Variants in ZNF799 observed in about 807,000 individuals in gnomAD.
ZNF799 encodes the protein zinc finger protein 799, also known as zinc finger protein 14.
ZNF799 carries 28 observed loss-of-function variants against 41.0 expected under a neutral mutation model. The ratio of observed to expected loss-of-function variants is 0.68; its 90% CI spans 0.51 to 0.94. The LOEUF (loss-of-function observed/expected upper bound fraction) is 0.94, where lower values mean the gene tolerates loss of function less well. ZNF799 is among the 40% of genes least tolerant of loss of function. The pLI is 0.00. For synonymous variants in ZNF799, 213 were observed against 252.9 expected (o/e 0.84, Z 1.50); for missense variants, 716 against 764.3 (o/e 0.94, Z 0.74).
intron 1 of ZNF799, chr19:12,394,826 C>A (rs757427774): frequency 1.9e-4 from 185 of 985,176 alleles, no homozygotes; most frequent in Non-Finnish European, 2.2e-4. Flanking sequence ...ATGCTGAAAG[C>A]CTTCTCACCA....
chr19:12,401,541 CTTTTTTTTTTTTTT>C (rs769048606), upstream of ZNF799, among the ~76,000 whole-genome samples: 1 of 41,728 alleles, frequency 2.4e-5, no homozygotes, highest in African/African-American at 1.1e-4. Context: ...AACAATTATA[CTTTTTTTTTTTTTT>C]TTTTTTTTTT....
intron 1 of ZNF799, among the ~76,000 whole-genome samples, chr19:12,396,457 C>T (rs1397396391): frequency 1.3e-5 from 2 of 152,180 alleles, no homozygotes; most frequent in African/African-American, 2.4e-5. Flanking sequence ...TGAGACCAGC[C>T]TGGCCAATGT....
At chr19:12,401,944 G>C (rs1407641873), upstream of ZNF799, among the ~76,000 whole-genome samples, 1 of 152,080 alleles carries the variant, frequency 6.6e-6, no homozygotes, top group African/African-American at 2.4e-5. Flanking sequence ...TTTTACTATA[G>C]TCACTCTGTT....
At chr19:12,403,084 T>A (rs903463820), upstream of ZNF799, among the ~76,000 whole-genome samples, 4 of 152,220 alleles carry the variant, frequency 2.6e-5, no homozygotes, top group Admixed American at 1.3e-4. Flanking sequence ...GCTAGCAGAC[T>A]TTTTATTATG....
chr19:12,394,072 T>TA (rs75197208), intron 1 of ZNF799: 256 of 143,786 alleles, frequency 1.8e-3, no homozygotes, highest in Non-Finnish European at 2.0e-3. Flanking sequence ...AAAGTGGCAG[T>TA]AAAAAAAAAA....
intron 1 of ZNF799, among the ~76,000 whole-genome samples, chr19:12,396,236 C>T (rs1895576477): frequency 6.6e-6 from 1 of 152,220 alleles, no homozygotes; most frequent in Non-Finnish European, 1.5e-5. Flanking sequence ...ACACTGCACT[C>T]ACTGAATAAA....
upstream of ZNF799, among the ~76,000 whole-genome samples, chr19:12,405,043 T>A (rs955135905): frequency 6.6e-6 from 1 of 152,096 alleles, no homozygotes; most frequent in African/African-American, 2.4e-5. Flanking sequence ...AAGGAGAGAC[T>A]GGCCTAGCCT....
Position 12,390,539 on chromosome 19 carries a change from G to A in ZNF799, c.1859C>T (p.Pro620Leu), listed in dbSNP as rs768247224. 1.5e-5 allele frequency: 24 copies of A among 1,613,618 alleles called. No homozygotes were observed. The East Asian group carries it at 4.2e-4, about 28-fold the overall frequency. ...TTTCCCACATTCCTTACATCCATACGGGTTCTCTCCAGTGTGAGTTTTTTT... is the reference window on the plus strand; with the variant it reads ...TTTCCCACATTCCTTACATCCATACAGGTTCTCTCCAGTGTGAGTTTTTTT... ...HWKKTHTGENPYGCKECGKAF... is the reference protein window; with the variant it reads ...HWKKTHTGENLYGCKECGKAF... The change falls in exon 4 of 4, where the codon CCG (proline) becomes CTG (leucine). Residue 620 changes from proline to leucine, a missense_variant. This residue lies in a region of ZNF799 where 698 missense variants were observed against 713.6 expected (regional missense o/e 0.98). Transcript: ENST00000430385.
upstream of ZNF799, among the ~76,000 whole-genome samples, chr19:12,403,162 T>G (rs1310448487): frequency 6.6e-6 from 1 of 152,224 alleles, no homozygotes; most frequent in East Asian, 1.9e-4. Flanking sequence ...AATGTTGCTA[T>G]GTTCTATCTG....
rs1472312715 is a variant in ZNF799, at chr19:12,390,804, ACG to A, written c.1592_1593del (p.Pro531LeufsTer2). ...GCTTTCCCACATTCCTTACATTCATACGGCTTCTCTCCAGAGTGAATTCTTTC... is the reference window on the plus strand; with the variant it reads ...GCTTTCCCACATTCCTTACATTCATAGCTTCTCTCCAGAGTGAATTCTTTC... ...VHERIHSGEK[P>X]YECKECGKAF... On this transcript the variant is annotated frameshift_variant, in exon 4 of 4. Coordinates refer to ENST00000430385, the MANE Select transcript of ZNF799 (RefSeq NM_001080821.3). LOFTEE classifies it high-confidence loss of function. 2 of 1,614,184 alleles carry A rather than the reference ACG, an allele frequency of 1.2e-6. No homozygotes were observed. The highest frequency in any genetic ancestry group is 3.3e-5 in the Admixed American group (2 of 60,024).
chr19:12,392,791 A>T, intron 2 of ZNF799, 128 bp from the exon 3 acceptor site: 1 of 668,328 alleles, frequency 1.5e-6, no homozygotes, highest in Admixed American at 3.0e-5. Context: ...TGAAAAACAG[A>T]GGTTTGAACT....
chr19:12,392,172 C>G lies in ZNF799; in HGVS notation c.226G>C (p.Asp76His), dbSNP rs1056417493. 1 of 1,589,442 alleles carries G rather than the reference C, an allele frequency of 6.3e-7. No individual in the cohort carries two copies. Among genetic ancestry groups the G allele is most frequent in the Non-Finnish European group, 8.6e-7 (1 of 1,166,764 alleles). Residue 76 changes from aspartate to histidine, a missense_variant, in exon 4 of 4, where the codon GAT (aspartate) becomes CAT (histidine). Asp to His is a moderately conservative substitution (Grantham distance 81). This residue lies in a region of ZNF799 where 698 missense variants were observed against 713.6 expected (regional missense o/e 0.98). Coordinates refer to ENST00000430385, the MANE Select transcript of ZNF799 (RefSeq NM_001080821.3). ...RMLERFVESK[D>H]GTQCGETSSQ... The stretch of plus-strand genomic sequence containing the variant: ...GATGTTTCTCCACATTGAGTTCCAT[C>G]TTTACTTTCAACAAATCTCTCTAAC...
chr19:12,398,858 C>T (rs1969937478), intron 1 of ZNF799, among the ~76,000 whole-genome samples: 1 of 151,992 alleles, frequency 6.6e-6, no homozygotes, highest in Non-Finnish European at 1.5e-5. Flanking sequence ...ATCCAAAAAA[C>T]AAACACACCT....
chr19:12,399,841 G>A (rs2431848), intron 1 of ZNF799, among the ~76,000 whole-genome samples: 9 of 151,808 alleles, frequency 5.9e-5, no homozygotes, highest in African/African-American at 1.7e-4. Flanking sequence ...CTAGAGACAA[G>A]GTCTTGCCAT....
Position 12,392,595 on chromosome 19 carries a change from T to C in ZNF799, c.191+8A>G. On this transcript the variant is annotated splice_region_variant and intron_variant, in intron 3 of 3. Coordinates refer to ENST00000430385, the MANE Select transcript of ZNF799 (RefSeq NM_001080821.3). ...GGGACATATCTTTCTCTTGTGAGTA[T>C]AAATTACCTTAGATTTTTCCTGGGA... 3 of 1,584,554 alleles carry C rather than the reference T, an allele frequency of 1.9e-6. No individual in the cohort carries two copies. Among genetic ancestry groups the C allele is most frequent in the Non-Finnish European group, 2.6e-6 (3 of 1,155,504 alleles).
At position 12,399,575 on chromosome 19, in the gene ZNF799, C is replaced by A. The variant is rs1005010943; in HGVS notation, c.3+1493G>T. The stretch of plus-strand genomic sequence containing the variant: ...CCACACCCCCCATCTCAGGCTGTCC[C>A]CTGGGAGGAGTGACCCAGGGGATGA... On this transcript the variant is annotated intron_variant, in intron 1 of 3. Coordinates refer to ENST00000430385, the MANE Select transcript of ZNF799 (RefSeq NM_001080821.3). 1.3e-5 allele frequency among the ~76,000 whole-genome samples: 2 copies of A among 148,312 alleles called. 1 individual carries two copies. Among genetic ancestry groups the A allele is most frequent in the African/African-American group, 5.3e-5 (2 of 37,802 alleles).
At position 12,390,326 on chromosome 19, in the gene ZNF799, T is replaced by C. The variant is rs1300167772; in HGVS notation, c.*140A>G. The C allele has an allele frequency of 2.0e-6, 3 of 1,512,812 alleles. No homozygotes were observed. Among genetic ancestry groups the C allele is most frequent in the East Asian group, 4.6e-5 (2 of 43,212 alleles). 93.7% of individuals were successfully genotyped at this position (1,512,812 alleles called of 1,614,324 possible). On this transcript the variant is annotated 3_prime_UTR_variant, in exon 4 of 4. Coordinates refer to ENST00000430385, the MANE Select transcript of ZNF799 (RefSeq NM_001080821.3). ...AGCAGGTATCAAGGGATGACTGTAC[T>C]GGAAAGAAACTGAAATTACTTAAGG...
the ZNF799 span, among the ~76,000 whole-genome samples, chr19:12,407,148 CAGAGTGAAGAAAAA>C: frequency 6.6e-6 from 1 of 152,006 alleles, no homozygotes; most frequent in Non-Finnish European, 1.5e-5. Context: ...AGAAGTTCAT[CAGAGTGAAGAAAAA>C]GGATACAAGT....
chr19:12,405,112 A>C (rs556256727), upstream of ZNF799, among the ~76,000 whole-genome samples: 1 of 152,164 alleles, frequency 6.6e-6, no homozygotes, highest in Non-Finnish European at 1.5e-5. Flanking sequence ...TCAGACTCCA[A>C]GTTCTTCAGT....
Sources: allele counts gnomAD v4.1 joint callset (sites outside exome capture counted in the v4.1 genomes callset), GRCh38; gene constraint gnomAD v4.1.1; regional missense constraint gnomAD v4.1.1; transcripts MANE v1.5; gene names NCBI Gene and HGNC (gene_info 2026-07-23, HGNC 2026-07-21).